The following SLC9D1 variants were observed in gnomAD, a reference collection of about 807,000 sequenced individuals.
SLC9D1 encodes putative LAG1-interacting protein.
the SLC9D1 span, chr13:113,527,695 A>C: frequency 6.6e-6 from 1 of 152,348 alleles, no homozygotes; most frequent in East Asian, 1.9e-4. Flanking sequence ...GGCTTCTCGC[A>C]TCTGTGGGTT....
the SLC9D1 span, among the ~76,000 whole-genome samples, chr13:113,499,794 A>G: frequency 6.6e-6 from 1 of 152,186 alleles, no homozygotes; most frequent in Non-Finnish European, 1.5e-5. Context: ...GAAATCCTAA[A>G]CCTATCCATT....
the SLC9D1 span, among the ~76,000 whole-genome samples, chr13:113,492,196 C>A: frequency 6.6e-6 from 1 of 152,148 alleles, no homozygotes; most frequent in Non-Finnish European, 1.5e-5. Context: ...GGATGATCTC[C>A]AACTCCTGAC....
At chr13:113,522,460 C>A in the SLC9D1 span, among the ~76,000 whole-genome samples, 1 of 152,212 alleles carries the variant, frequency 6.6e-6, no homozygotes, top group South Asian at 2.1e-4. Flanking sequence ...CCTGCCTCAG[C>A]CTCTGGAGTA....
chr13:113,506,811 G>A, the SLC9D1 span, among the ~76,000 whole-genome samples: 1 of 152,300 alleles, frequency 6.6e-6, no homozygotes, highest in Admixed American at 6.5e-5. Flanking sequence ...AAAAAATAAT[G>A]TTGTATAACG....
the SLC9D1 span, among the ~76,000 whole-genome samples, chr13:113,493,448 C>G: frequency 8.5e-5 from 13 of 152,082 alleles, no homozygotes; most frequent in Non-Finnish European, 1.8e-4. Flanking sequence ...TTGGACCAAC[C>G]GAGAGAAGCT....
At chr13:113,541,054 C>A in the SLC9D1 span, among the ~76,000 whole-genome samples, 1 of 152,092 alleles carries the variant, frequency 6.6e-6, no homozygotes, top group Non-Finnish European at 1.5e-5. Flanking sequence ...AGGTCTTCTG[C>A]CTGTCCCGAT....
chr13:113,536,499 T>C, the SLC9D1 span: 3 of 845,344 alleles, frequency 3.5e-6, no homozygotes, highest in Non-Finnish European at 4.3e-6. Flanking sequence ...TTTAAATTCT[T>C]ACATTGTTTT....
chr13:113,514,849 TG>T, the SLC9D1 span, among the ~76,000 whole-genome samples: 1 of 152,190 alleles, frequency 6.6e-6, no homozygotes, highest in Admixed American at 6.5e-5. Context: ...CCTGAGTAGC[TG>T]GGATGACAGG....
chr13:113,496,057 GGAGAGGGAGAGAGAGGTGAAGA>G, the SLC9D1 span: 12 of 1,389,548 alleles, frequency 8.6e-6, no homozygotes, highest in African/African-American at 1.7e-4. Context: ...AGAGAGAGAG[GGAGAGGGAGAGAGAGGTGAAGA>G]GAGAGGGAGA....
chr13:113,535,684 G>A, the SLC9D1 span, among the ~76,000 whole-genome samples: 5 of 150,884 alleles, frequency 3.3e-5, no homozygotes, highest in South Asian at 4.2e-4. The surrounding 1 kb of genome is among the most constrained non-coding windows in gnomAD (Gnocchi z 4.1). Flanking sequence ...CAAAGGCTGC[G>A]TACTGTGTGG....
the SLC9D1 span, among the ~76,000 whole-genome samples, chr13:113,521,562 G>C: frequency 6.6e-6 from 1 of 152,124 alleles, no homozygotes; most frequent in Non-Finnish European, 1.5e-5. Context: ...GTGTGTATGC[G>C]TGTAGGAGAG....
chr13:113,508,936 C>T, the SLC9D1 span, among the ~76,000 whole-genome samples: 3 of 151,416 alleles, frequency 2.0e-5, no homozygotes, highest in African/African-American at 4.9e-5. Context: ...GTGGGTCCCC[C>T]CGGAGCTGCC....
At chr13:113,498,540 CT>C in the SLC9D1 span, 1 of 1,555,970 alleles carries the variant, frequency 6.4e-7, no homozygotes, top group Non-Finnish European at 8.6e-7. Flanking sequence ...TCCAGAACAG[CT>C]GCTTCTTCAC....
the SLC9D1 span, among the ~76,000 whole-genome samples, chr13:113,542,586 C>G: frequency 6.6e-6 from 1 of 152,228 alleles, no homozygotes; most frequent in African/African-American, 2.4e-5. Flanking sequence ...CTAACTTTGA[C>G]ACAGAAAGTT....
chr13:113,540,582 GGCT>G, the SLC9D1 span, among the ~76,000 whole-genome samples: 6 of 152,174 alleles, frequency 3.9e-5, no homozygotes, highest in Non-Finnish European at 7.3e-5. Context: ...TTCCTAATGG[GGCT>G]GCTTTTTGCT....
chr13:113,549,373 A>T, the SLC9D1 span: 14 of 1,596,080 alleles, frequency 8.8e-6, no homozygotes, highest in African/African-American at 1.2e-4. Context: ...TTCCTGTTGC[A>T]GGTGCTAGTC....
At chr13:113,534,287 CTT>C in the SLC9D1 span, 5 of 1,430,612 alleles carry the variant, frequency 3.5e-6, no homozygotes, top group Non-Finnish European at 4.9e-6. Flanking sequence ...TACATAATCT[CTT>C]TCACTGAAAT....
chr13:113,545,633 A>C, the SLC9D1 span: 1 of 151,130 alleles, frequency 6.6e-6, no homozygotes, highest in African/African-American at 2.5e-5. Flanking sequence ...CCATGTTCCC[A>C]GGGCAGCCCT....
the SLC9D1 span, chr13:113,495,982 G>A: frequency 1.4e-5 from 22 of 1,612,974 alleles, no homozygotes; most frequent in Non-Finnish European, 1.9e-5. Flanking sequence ...ATGAAGGAGA[G>A]CAGCCGGCAG....
Sources: gnomAD v4.1 joint callset for allele counts (sites outside exome capture counted in the v4.1 genomes callset) on GRCh38, gnomAD v4.1.1 for gene constraint, Gnocchi (gnomAD v3.1) non-coding constraint, MANE v1.5 for transcripts, NCBI Gene and HGNC (gene_info 2026-07-23, HGNC 2026-07-21) for gene names.